Variants in PTPRM observed in about 807,000 individuals in gnomAD.
The protein encoded by PTPRM is receptor-type tyrosine-protein phosphatase mu.
PTPRM carries 47 observed loss-of-function variants against 186.7 expected under a neutral mutation model. That is an observed-to-expected ratio of 0.25 (90% CI 0.20 to 0.32). PTPRM has a LOEUF of 0.32. Ranked by LOEUF, PTPRM falls within the 10% of genes least tolerant of loss-of-function variation. PTPRM has a pLI of 1.00. For missense variants in PTPRM, 1,494 were observed against 1,865.0 expected (o/e 0.80, Z 3.66); for synonymous variants, 668 against 674.9 (o/e 0.99, Z 0.16).
At chr18:7,714,608 A>C (rs1002605576) in intron 1 of PTPRM, among the ~76,000 whole-genome samples, 1 of 146,656 alleles carries the variant, frequency 6.8e-6, no homozygotes, top group Non-Finnish European at 1.5e-5. Flanking sequence ...TCAACAAAAT[A>C]GATAGACCAC....
chr18:7,796,761 A>G (rs2043679198), intron 2 of PTPRM, among the ~76,000 whole-genome samples: 1 of 152,176 alleles, frequency 6.6e-6, no homozygotes, highest in South Asian at 2.1e-4. Flanking sequence ...ATGCTTTACA[A>G]TCTGAGGCCT....
rs1287159592 is a variant in PTPRM at position 8,076,073 on chromosome 18, A to C, written c.1442-382A>C. The stretch of plus-strand genomic sequence containing the variant: ...GACCATTGGGTCATATGTTCTGTGC[A>C]TCTTCAGCTTTACTAAATGCTATTA... On this transcript the variant is annotated intron_variant, in intron 8 of 32. Coordinates refer to ENST00000580170, the MANE Select transcript of PTPRM (RefSeq NM_001105244.2). Among the ~76,000 whole-genome samples the C allele has an allele frequency of 2.6e-5, 4 of 152,256 alleles. No individual in the cohort carries two copies. The East Asian group carries it at 5.8e-4, about 22-fold the overall frequency.
chr18:7,928,451 A>G (rs1367459972), intron 5 of PTPRM, among the ~76,000 whole-genome samples: 1 of 152,188 alleles, frequency 6.6e-6, no homozygotes, highest in East Asian at 1.9e-4. Context: ...TTGTTTTCTC[A>G]GATAATGGCT....
At chr18:8,331,431 G>A (rs893046996) in intron 22 of PTPRM, among the ~76,000 whole-genome samples, 1 of 152,064 alleles carries the variant, frequency 6.6e-6, no homozygotes, top group Non-Finnish European at 1.5e-5. Flanking sequence ...AACTAGGCCA[G>A]GACTGTCCGC....
chr18:7,701,471 G>C (rs527267056), intron 1 of PTPRM, among the ~76,000 whole-genome samples: 1 of 151,758 alleles, frequency 6.6e-6, no homozygotes, highest in Non-Finnish European at 1.5e-5. Flanking sequence ...GTGGTGGCGC[G>C]TGCGTGTAGT....
chr18:8,246,607 C>T (rs2094478822), intron 15 of PTPRM, among the ~76,000 whole-genome samples: 1 of 152,196 alleles, frequency 6.6e-6, no homozygotes, highest in Non-Finnish European at 1.5e-5. Context: ...GCTTTATTCT[C>T]ACTGACCCTG....
chr18:7,670,074 A>G (rs1238563286), intron 1 of PTPRM, among the ~76,000 whole-genome samples: 2 of 152,168 alleles, frequency 1.3e-5, no homozygotes, highest in Non-Finnish European at 2.9e-5. Context: ...ATTTTCTAGT[A>G]GCCACATTTA....
At chr18:8,193,659 G>C (rs11875152) in intron 14 of PTPRM, among the ~76,000 whole-genome samples, 1 of 152,046 alleles carries the variant, frequency 6.6e-6, no homozygotes, top group Non-Finnish European at 1.5e-5. Flanking sequence ...ACAGTAGTGA[G>C]TGCACAGCTG....
intron 13 of PTPRM, among the ~76,000 whole-genome samples, chr18:8,127,743 A>G (rs1429612906): frequency 2.0e-5 from 3 of 152,094 alleles, no homozygotes; most frequent in Non-Finnish European, 2.9e-5. Flanking sequence ...TAGAGAAGCT[A>G]TCATTCATTC....
At chr18:8,001,008 A>G (rs1307165128) in intron 7 of PTPRM, among the ~76,000 whole-genome samples, 1 of 152,198 alleles carries the variant, frequency 6.6e-6, no homozygotes, top group African/African-American at 2.4e-5. Context: ...AGAGAGCACC[A>G]TTTCTAAAAT....
chr18:8,094,523 G>A (rs907545814), intron 11 of PTPRM, among the ~76,000 whole-genome samples: 42 of 152,020 alleles, frequency 2.8e-4, no homozygotes, highest in African/African-American at 9.7e-4. Context: ...GCTTGAGCCT[G>A]GGAGTGCAAG....
intron 5 of PTPRM, 70 bp from the exon 6 acceptor site, chr18:7,949,110 TG>T (rs2052757826): frequency 1.4e-6 from 2 of 1,396,466 alleles, no homozygotes; most frequent in African/African-American, 2.9e-5. Flanking sequence ...AATATACCAT[TG>T]GGTGTCTGAC....
chr18:8,119,666 A>G (rs913187719), intron 13 of PTPRM, among the ~76,000 whole-genome samples: 1 of 152,186 alleles, frequency 6.6e-6, no homozygotes, highest in East Asian at 1.9e-4. Flanking sequence ...GAAAAACCCT[A>G]TGCTTTCCAA....
chr18:8,099,293 C>T (rs1413028562), intron 11 of PTPRM, among the ~76,000 whole-genome samples: 1 of 152,150 alleles, frequency 6.6e-6, no homozygotes, highest in Non-Finnish European at 1.5e-5. Context: ...GCCCTAGATT[C>T]ATTCACTGCA....
chr18:7,580,913 A>C (rs537942052), intron 1 of PTPRM, among the ~76,000 whole-genome samples: 1 of 152,346 alleles, frequency 6.6e-6, no homozygotes, highest in African/African-American at 2.4e-5. Context: ...GAAGATATTA[A>C]GTGATGTTGT....
chr18:8,325,288 G>A (rs2095368861), intron 22 of PTPRM, among the ~76,000 whole-genome samples: 1 of 152,152 alleles, frequency 6.6e-6, no homozygotes, highest in South Asian at 2.1e-4. Context: ...TACCCGATAG[G>A]TAGTTTTTTA....
chr18:8,242,837 G>T (rs909321061), intron 14 of PTPRM, among the ~76,000 whole-genome samples: 1 of 152,204 alleles, frequency 6.6e-6, no homozygotes, highest in African/African-American at 2.4e-5. Flanking sequence ...CACCTAATAT[G>T]AGTGTGATTT....
intron 13 of PTPRM, among the ~76,000 whole-genome samples, chr18:8,131,826 A>G (rs1440920833): frequency 1.3e-5 from 2 of 152,206 alleles, no homozygotes; most frequent in African/African-American, 4.8e-5. Flanking sequence ...GTTTAGAGGA[A>G]TAAATAACTG....
chr18:7,767,940 C>G (rs1195604717), intron 1 of PTPRM, among the ~76,000 whole-genome samples: 1 of 152,060 alleles, frequency 6.6e-6, no homozygotes, highest in Non-Finnish European at 1.5e-5. Context: ...GTTTATTATG[C>G]TTCTTTTGGA....
Sources: gnomAD v4.1 joint callset for allele counts (sites outside exome capture counted in the v4.1 genomes callset) on GRCh38, gnomAD v4.1.1 for gene constraint, MANE v1.5 for transcripts, NCBI Gene and HGNC (gene_info 2026-07-23, HGNC 2026-07-21) for gene names.